Variants in MYH10 observed in about 807,000 individuals in gnomAD.
MYH10 encodes the protein myosin heavy chain 10.
Under a neutral mutation model 257.8 loss-of-function variants are expected in MYH10, and 55 were observed. That is an observed-to-expected ratio of 0.21 (90% confidence interval 0.17 to 0.27). MYH10 has a LOEUF of 0.27. MYH10 is among the 10% of genes least tolerant of loss of function. MYH10 has a pLI of 1.00. For missense variants in MYH10, 1,631 were observed against 2,500.6 expected, an observed-to-expected ratio of 0.65 and a Z score of 7.42; for synonymous variants, 854 against 921.7, an observed-to-expected ratio of 0.93 and a Z score of 1.33.
intron 28 of MYH10, among the ~76,000 whole-genome samples, chr17:8,503,455 C>T (rs544458213): frequency 6.6e-6 from 1 of 152,250 alleles, no homozygotes; most frequent in East Asian, 1.9e-4. Flanking sequence ...AGGATCATGG[C>T]AAACATTCCA....
intron 6 of MYH10, among the ~76,000 whole-genome samples, chr17:8,575,317 T>G (rs1286239865): frequency 6.6e-6 from 1 of 152,262 alleles, no homozygotes; most frequent in Non-Finnish European, 1.5e-5. Flanking sequence ...AATCTGTGTA[T>G]TAATTGCTTA....
intron 19 of MYH10, among the ~76,000 whole-genome samples, chr17:8,520,410 C>T (rs554702893): frequency 1.4e-4 from 21 of 152,230 alleles, no homozygotes; most frequent in Admixed American, 2.6e-4. Flanking sequence ...GCAGGAGAAT[C>T]GCTTGAACCT....
intron 2 of MYH10, among the ~76,000 whole-genome samples, chr17:8,614,304 C>CTTCTTTTT (rs2085160883): frequency 9.3e-6 from 1 of 107,240 alleles, no homozygotes; most frequent in Non-Finnish European, 1.8e-5. Context: ...AAGCAATTCA[C>CTTCTTTTT]TTCTTTTTTT....
At chr17:8,549,736 C>T (rs1287649632) in intron 9 of MYH10, among the ~76,000 whole-genome samples, 2 of 152,166 alleles carry the variant, frequency 1.3e-5, no homozygotes, top group Non-Finnish European at 2.9e-5. Context: ...CCACGGTCTC[C>T]CTCTCATGCT....
chr17:8,482,514 T>G (rs1914005450), intron 37 of MYH10, among the ~76,000 whole-genome samples: 1 of 152,210 alleles, frequency 6.6e-6, no homozygotes, highest in South Asian at 2.1e-4. Flanking sequence ...CCATCTGGCC[T>G]CTGGTGTTTT....
intron 30 of MYH10, among the ~76,000 whole-genome samples, chr17:8,498,107 TGAGTA>T (rs1231219073): frequency 6.7e-6 from 1 of 149,596 alleles, no homozygotes; most frequent in Non-Finnish European, 1.5e-5. Context: ...CTCAGCCTCC[TGAGTA>T]GCTGGGATTA....
At position 8,492,495 on chromosome 17, in the gene MYH10, C is replaced by T. The variant is rs932080094; in HGVS notation, c.4473G>A (p.Glu1491=). 2 of 1,611,708 alleles carry T rather than the reference C, an allele frequency of 1.2e-6. No homozygotes were observed. The highest frequency in any genetic ancestry group is 1.7e-5 in the Admixed American group (1 of 60,016). ...QKKFDQLLAE[E]KSISARYAEE... is the part of the protein sequence containing the mutation. ...CGGCATAGCGAGCAGAGATGCTCTTCTCTTCTGCTAACAGCTGTGCAGAAG... is the reference window on the plus strand; with the variant it reads ...CGGCATAGCGAGCAGAGATGCTCTTTTCTTCTGCTAACAGCTGTGCAGAAG... The change falls in exon 34 of 43, where the codon GAG becomes GAA. Residue 1491 remains glutamate (E), a synonymous_variant. Coordinates refer to ENST00000360416, the MANE Select transcript of MYH10 (RefSeq NM_001256012.3).
chr17:8,583,590 G>A (rs1383078232), intron 4 of MYH10, among the ~76,000 whole-genome samples: 1 of 152,132 alleles, frequency 6.6e-6, no homozygotes, highest in Admixed American at 6.6e-5. Context: ...GAACACCAGA[G>A]TTCTATCTGA....
At chr17:8,589,191 T>C (rs2152045915) in intron 3 of MYH10, 83 bp from the exon 4 acceptor site, 1 of 1,395,412 alleles carries the variant, frequency 7.2e-7, no homozygotes, top group Middle Eastern at 1.8e-4. Context: ...AAAGTTGCAG[T>C]AATAGCCTAT....
intron 36 of MYH10, among the ~76,000 whole-genome samples, chr17:8,486,396 GC>G (rs1259039151): frequency 5.3e-5 from 8 of 151,860 alleles, no homozygotes; most frequent in Admixed American, 4.6e-4. Flanking sequence ...TAATTAATTA[GC>G]TTAATAACTT....
intron 30 of MYH10, 110 bp downstream of exon 30, chr17:8,499,159 AG>A: frequency 1.0e-6 from 1 of 995,336 alleles, no homozygotes; most frequent in Non-Finnish European, 1.5e-6. Context: ...AGCAATTTTC[AG>A]GTGTCGCACA....
At chr17:8,585,051 C>T (rs931288412) in intron 4 of MYH10, among the ~76,000 whole-genome samples, 1 of 151,806 alleles carries the variant, frequency 6.6e-6, no homozygotes, top group Non-Finnish European at 1.5e-5. Context: ...CTATGTTGGT[C>T]AGGCTGGTTG....
chr17:8,504,525 C>T lies in MYH10; in HGVS notation c.3599+169G>A, dbSNP rs77386307. Among the ~76,000 whole-genome samples the T allele has an allele frequency of 0.011, 1,609 of 152,262 alleles. 31 individuals are homozygous for T. The highest frequency in any genetic ancestry group is 0.037 in the African/African-American group (1,527 of 41,536). The stretch of plus-strand genomic sequence containing the variant: ...ACCCACCCCTGCACAGGTATTTCTA[C>T]CCATAGGCTGGTCTGTTTCTAACCA... On this transcript the variant is annotated intron_variant, in intron 28 of 42. Transcript: ENST00000360416. The surrounding 1 kb of genome is among the most constrained non-coding windows in gnomAD (Gnocchi z 5.6).
At chr17:8,566,497 C>G (rs919757197) in intron 7 of MYH10, among the ~76,000 whole-genome samples, 2 of 152,142 alleles carry the variant, frequency 1.3e-5, no homozygotes, top group Non-Finnish European at 2.9e-5. Context: ...CCTCCAAAGC[C>G]AGGAACTGAG....
Position 8,535,960 on chromosome 17 carries a change from A to C in MYH10, c.1606-29T>G. On this transcript the variant is annotated intron_variant, in intron 14 of 42. Coordinates refer to ENST00000360416, the MANE Select transcript of MYH10 (RefSeq NM_001256012.3). This position sits in a 1 kb window ranked among gnomAD's most constrained non-coding sequence, Gnocchi z 4.3. ...ATAATGACAGGCAATAAGAATTCAC[A>C]AGTTTTGCATGCCACTTTAATACTA... 6.3e-7 allele frequency: 1 copy of C among 1,599,672 alleles called. No homozygotes were observed. Among genetic ancestry groups the C allele is most frequent in the Non-Finnish European group, 8.5e-7 (1 of 1,170,804 alleles).
In MYH10 at chr17:8,521,275, G is replaced by A. The variant is rs771863170; in HGVS notation, c.1968C>T (p.Ile656=). 2.5e-6 allele frequency: 4 copies of A among 1,614,148 alleles called. No individual in the cohort carries two copies. The highest frequency in any genetic ancestry group is 1.1e-5 in the South Asian group (1 of 91,082). The change falls in exon 18 of 43, where the codon ATC becomes ATT. Residue 656 remains isoleucine, a synonymous_variant. Coordinates refer to ENST00000360416, the MANE Select transcript of MYH10 (RefSeq NM_001256012.3). ...SGLHEPPVDR[I]VGLDQVTGMT... is the part of the protein sequence containing the mutation. ...TACCAGTGACTTGATCCAGACCCAC[G>A]ATACGGTCCACTGGGGAGAAGAAAG...
At chr17:8,530,951 G>C (rs1169885213) in intron 16 of MYH10, among the ~76,000 whole-genome samples, 10 of 152,152 alleles carry the variant, frequency 6.6e-5, no homozygotes, top group Non-Finnish European at 1.5e-4. Flanking sequence ...CAAATGATTA[G>C]CCCATGTAAA....
chr17:8,486,364 G>T (rs922037493), intron 36 of MYH10, among the ~76,000 whole-genome samples: 1 of 152,024 alleles, frequency 6.6e-6, no homozygotes, highest in African/African-American at 2.4e-5. Context: ...TAAAATCACA[G>T]TATTATAGTT....
chr17:8,613,664 A>G (rs975878365), intron 2 of MYH10, among the ~76,000 whole-genome samples: 1 of 152,254 alleles, frequency 6.6e-6, no homozygotes, highest in Non-Finnish European at 1.5e-5. Flanking sequence ...AAATAAACAT[A>G]GAGCGGGTAG....
Sources: gnomAD v4.1 joint callset for allele counts (sites outside exome capture counted in the v4.1 genomes callset) on GRCh38, gnomAD v4.1.1 for gene constraint, Gnocchi (gnomAD v3.1) non-coding constraint, MANE v1.5 for transcripts, NCBI Gene and HGNC (gene_info 2026-07-23, HGNC 2026-07-21) for gene names.